RORA: variants seen among roughly 807,000 people sequenced by gnomAD.
The protein encoded by RORA is RAR related orphan receptor A.
In RORA, 7 loss-of-function variants were observed where a neutral mutation model predicts 69.5. The ratio of observed to expected loss-of-function variants is 0.10; its 90% CI spans 0.06 to 0.19. The LOEUF is 0.19. Among genes scored for constraint, RORA ranks in the 10% least tolerant of loss-of-function variants. The probability of loss-of-function intolerance (pLI) is 1.00; values close to 1 mark genes in which losing one functional copy is unlikely to be tolerated. For missense variants in RORA, 457 were observed against 663.0 expected, an observed-to-expected ratio of 0.69 and a Z score of 3.41; for synonymous variants, 261 against 240.8, an observed-to-expected ratio of 1.08 and a Z score of -0.78.
At chr15:61,136,572 C>A (rs977038314) in intron 1 of RORA, among the ~76,000 whole-genome samples, 3 of 152,078 alleles carry the variant, frequency 2.0e-5, no homozygotes, top group Non-Finnish European at 4.4e-5. Context: ...CATGTTACCA[C>A]AAGACAGAAC....
At chr15:61,161,349 G>A (rs905734043) in intron 1 of RORA, among the ~76,000 whole-genome samples, 10 of 152,144 alleles carry the variant, frequency 6.6e-5, no homozygotes, top group South Asian at 4.1e-4. Context: ...ATATAAAATC[G>A]GAAGAATTTG....
intron 1 of RORA, among the ~76,000 whole-genome samples, chr15:61,139,732 C>T (rs1444932211): frequency 6.6e-6 from 1 of 152,174 alleles, no homozygotes; most frequent in East Asian, 1.9e-4. Context: ...CTACTCCTGC[C>T]TCCGTGGCTG....
At chr15:60,651,553 G>C (rs2070142839) in intron 2 of RORA, among the ~76,000 whole-genome samples, 1 of 151,918 alleles carries the variant, frequency 6.6e-6, no homozygotes, top group Non-Finnish European at 1.5e-5. Flanking sequence ...ACAGATTTTT[G>C]ATTACACAAA....
intron 2 of RORA, among the ~76,000 whole-genome samples, chr15:60,567,627 T>A (rs1158494287): frequency 3.9e-5 from 6 of 152,170 alleles, no homozygotes; most frequent in Middle Eastern, 3.4e-3. Flanking sequence ...GCCAGGCTGG[T>A]CTGGAACTCT....
chr15:60,949,294 G>C (rs1893005596), intron 1 of RORA, among the ~76,000 whole-genome samples: 1 of 152,140 alleles, frequency 6.6e-6, no homozygotes, highest in Non-Finnish European at 1.5e-5. Context: ...ATCAGAAGTT[G>C]CCAGGCCAAA....
At chr15:60,604,761 C>G (rs1011382101) in intron 2 of RORA, among the ~76,000 whole-genome samples, 2 of 152,130 alleles carry the variant, frequency 1.3e-5, no homozygotes, top group African/African-American at 4.8e-5. Context: ...CCAACAGTGG[C>G]TTTGTGATTG....
At chr15:60,828,296 T>C (rs1166703694) in intron 1 of RORA, among the ~76,000 whole-genome samples, 2 of 152,024 alleles carry the variant, frequency 1.3e-5, no homozygotes, top group Non-Finnish European at 2.9e-5. Context: ...TAAAGAGACA[T>C]GGTAGGTGAA....
intron 2 of RORA, among the ~76,000 whole-genome samples, chr15:60,591,174 C>T (rs895252332): frequency 1.3e-5 from 2 of 152,206 alleles, no homozygotes; most frequent in Admixed American, 1.3e-4. Flanking sequence ...AATTGCTGCG[C>T]ATTAGGGAAG....
intron 9 of RORA, 65 bp from the exon 10 acceptor site, chr15:60,500,069 G>GTATCAAAAGAATCCGGAGAA: frequency 1.0e-6 from 1 of 974,000 alleles, no homozygotes; most frequent in Non-Finnish European, 1.6e-6. Context: ...CTTCTTCTCC[G>GTATCAAAAGAATCCGGAGAA]GATTCTTTTG....
intron 1 of RORA, among the ~76,000 whole-genome samples, chr15:61,144,527 T>C (rs572236068): frequency 3.3e-5 from 5 of 152,276 alleles, no homozygotes; most frequent in South Asian, 2.1e-4. Flanking sequence ...AGGCAGTCCA[T>C]AGAAACAGAA....
chr15:61,187,844 CA>C, intron 1 of RORA, among the ~76,000 whole-genome samples: 1 of 152,254 alleles, frequency 6.6e-6, no homozygotes, highest in Middle Eastern at 3.4e-3. Flanking sequence ...AGGGAGAAGA[CA>C]GAACTGCCCA....
intron 1 of RORA, among the ~76,000 whole-genome samples, chr15:60,984,424 T>C (rs1894135083): frequency 6.6e-6 from 1 of 150,936 alleles, no homozygotes; most frequent in Non-Finnish European, 1.5e-5. Flanking sequence ...AATTATTTAA[T>C]ATTAGTATAA....
At chr15:61,166,812 T>C (rs1414739224) in intron 1 of RORA, among the ~76,000 whole-genome samples, 1 of 152,086 alleles carries the variant, frequency 6.6e-6, no homozygotes, top group Admixed American at 6.5e-5. Context: ...GTTATCCACA[T>C]GTTATCCACA....
chr15:60,514,858 G>A (rs937885708), intron 3 of RORA, 101 bp from the exon 4 acceptor site: 3 of 838,292 alleles, frequency 3.6e-6, no homozygotes, highest in Admixed American at 4.9e-5. Context: ...ATATTTAATG[G>A]AGAATTAAAC....
At chr15:60,598,583 G>T (rs1003535416) in intron 2 of RORA, 1 of 152,026 alleles carries the variant, frequency 6.6e-6, no homozygotes, top group Non-Finnish European at 1.5e-5. Flanking sequence ...TTTATTGTAA[G>T]AATACAATAT....
At chr15:60,765,404 T>A (rs1442122266) in intron 1 of RORA, 1 of 152,128 alleles carries the variant, frequency 6.6e-6, no homozygotes, top group Non-Finnish European at 1.5e-5. Context: ...TACTTGTTCC[T>A]AAGTATTGCC....
intron 1 of RORA, among the ~76,000 whole-genome samples, chr15:60,767,780 G>C (rs909829115): frequency 1.3e-5 from 2 of 152,142 alleles, no homozygotes; most frequent in African/African-American, 4.8e-5. Flanking sequence ...AAGAATAATT[G>C]TTAGTTCCTT....
chr15:60,888,411 A>G (rs1007490041), intron 1 of RORA, among the ~76,000 whole-genome samples: 1 of 152,296 alleles, frequency 6.6e-6, no homozygotes, highest in African/African-American at 2.4e-5. Flanking sequence ...TGTGACTGCT[A>G]AGGAAGAGTT....
At chr15:60,528,846 G>C (rs991579774) in intron 3 of RORA, 1 of 152,236 alleles carries the variant, frequency 6.6e-6, no homozygotes, top group African/African-American at 2.4e-5. Context: ...CTGAGGCACA[G>C]AGCAGTGGTA....
Sources: gnomAD v4.1 joint callset for allele counts (sites outside exome capture counted in the v4.1 genomes callset) on GRCh38, gnomAD v4.1.1 for gene constraint, MANE v1.5 for transcripts, NCBI Gene and HGNC (gene_info 2026-07-23, HGNC 2026-07-21) for gene names.